Variants in ARHGEF18 observed in about 807,000 individuals in gnomAD.
The protein encoded by ARHGEF18 is rho guanine nucleotide exchange factor 18.
Under a neutral mutation model 155.7 loss-of-function variants are expected in ARHGEF18, and 93 were observed. The observed-to-expected ratio is 0.60, with a 90% CI of 0.50 to 0.71. The LOEUF (loss-of-function observed/expected upper bound fraction) is 0.71. ARHGEF18 is among the 30% of genes least tolerant of loss of function. The probability of loss-of-function intolerance (pLI) is 0.00; values close to 1 mark genes in which losing one functional copy is unlikely to be tolerated. For synonymous variants in ARHGEF18, 742 were observed against 753.1 expected, an observed-to-expected ratio of 0.99 and a Z score of 0.24; for missense variants, 1,593 against 1,816.1, an observed-to-expected ratio of 0.88 and a Z score of 2.23.
At chr19:7,387,794 C>T (rs1042222044) in intron 10 of ARHGEF18, among the ~76,000 whole-genome samples, 1 of 151,936 alleles carries the variant, frequency 6.6e-6, no homozygotes, top group African/African-American at 2.4e-5. Flanking sequence ...CTCAGCCTCC[C>T]GAGTGGCTGG....
At chr19:7,355,242 C>T (rs576160466) in intron 1 of ARHGEF18, among the ~76,000 whole-genome samples, 113 of 152,092 alleles carry the variant, frequency 7.4e-4, no homozygotes, top group African/African-American at 2.7e-3. Flanking sequence ...CTCTACACAA[C>T]ATGGAAATGC....
intron 20 of ARHGEF18, 39 bp downstream of exon 20, chr19:7,460,033 G>T: frequency 1.9e-6 from 3 of 1,544,012 alleles, no homozygotes; most frequent in South Asian, 2.4e-5. Flanking sequence ...CCCTTGTGTG[G>T]TGAGCCCTGG....
chr19:7,365,472 G>A (rs1358104697), intron 2 of ARHGEF18, among the ~76,000 whole-genome samples: 1 of 152,174 alleles, frequency 6.6e-6, no homozygotes, highest in Non-Finnish European at 1.5e-5. Flanking sequence ...GTCATGGAAG[G>A]TCCCGGGTAA....
chr19:7,412,615 G>T (rs540143348), intron 10 of ARHGEF18, among the ~76,000 whole-genome samples: 16 of 151,680 alleles, frequency 1.1e-4, no homozygotes, highest in African/African-American at 3.9e-4. Flanking sequence ...GGTGGCAGGC[G>T]CCTGTAATCC....
intron 6 of ARHGEF18, 92 bp downstream of exon 6, chr19:7,378,543 G>A: frequency 9.2e-7 from 1 of 1,082,786 alleles, no homozygotes; most frequent in Non-Finnish European, 1.2e-6. Flanking sequence ...GTGCAGTGTT[G>A]CTGGCCATAA....
intron 10 of ARHGEF18, among the ~76,000 whole-genome samples, chr19:7,399,927 C>T (rs941199910): frequency 7.9e-5 from 12 of 152,048 alleles, no homozygotes; most frequent in Admixed American, 3.9e-4. Flanking sequence ...TGCGTACCAC[C>T]GCGCCCAATT....
At chr19:7,468,774 G>A in intron 26 of ARHGEF18, 51 bp from the exon 27 acceptor site, 1 of 1,477,500 alleles carries the variant, frequency 6.8e-7, no homozygotes, top group Non-Finnish European at 9.1e-7. Flanking sequence ...GCTCTCCAGA[G>A]GCCGCACAGC....
chr19:7,358,506 A>G lies in ARHGEF18; in HGVS notation c.-110-4275A>G, dbSNP rs538458406. The stretch of plus-strand genomic sequence containing the variant: ...TGTCTATCCACTCATTCATCCATCC[A>G]TCCATCCTTCTACACATCCACCCAT... On this transcript the variant is annotated intron_variant, in intron 1 of 28. Coordinates refer to ENST00000668164, the MANE Select transcript of ARHGEF18 (RefSeq NM_001367823.1). Among the ~76,000 whole-genome samples, 4 of 151,586 alleles carry G rather than the reference A, an allele frequency of 2.6e-5. No homozygotes were observed. The South Asian group carries it at 8.4e-4, about 32-fold the overall frequency.
Position 7,462,267 on chromosome 19 carries a change from A to C in ARHGEF18, c.2568A>C (p.Leu856=). 1 of 1,613,640 alleles carries C rather than the reference A, an allele frequency of 6.2e-7. No homozygotes were observed. The highest frequency in any genetic ancestry group is 1.3e-5 in the African/African-American group (1 of 75,052). Residue 856 remains leucine, a synonymous_variant, in exon 21 of 29, where the codon CTA becomes CTC. Coordinates refer to ENST00000668164, the MANE Select transcript of ARHGEF18 (RefSeq NM_001367823.1). This position sits in a 1 kb window ranked among gnomAD's most constrained non-coding sequence, Gnocchi z 4.4. ...GLEDLPQPRG[L]FRGGDPSETL... The stretch of plus-strand genomic sequence containing the variant: ...AAGACCTGCCCCAGCCCCGAGGCCT[A>C]TTCCGTGGAGGGGACCCATCCGAGA...
intron 2 of ARHGEF18, among the ~76,000 whole-genome samples, chr19:7,365,281 G>C (rs560916236): frequency 6.6e-6 from 1 of 152,282 alleles, no homozygotes; most frequent in South Asian, 2.1e-4. Context: ...ACAAAAATTA[G>C]CTGCGCATGG....
At chr19:7,459,539 G>A (rs935537120) in intron 19 of ARHGEF18, among the ~76,000 whole-genome samples, 3 of 152,118 alleles carry the variant, frequency 2.0e-5, no homozygotes, top group African/African-American at 2.4e-5. Flanking sequence ...CTTGATTCCC[G>A]GAGGCTTCCT....
At chr19:7,354,856 C>T (rs999478283) in intron 1 of ARHGEF18, among the ~76,000 whole-genome samples, 7 of 151,876 alleles carry the variant, frequency 4.6e-5, no homozygotes, top group Non-Finnish European at 4.4e-5. Context: ...GCTGTGGTCA[C>T]GCCATTGCAC....
At chr19:7,424,495 T>C (rs1973541279) in intron 10 of ARHGEF18, among the ~76,000 whole-genome samples, 1 of 152,134 alleles carries the variant, frequency 6.6e-6, no homozygotes. Context: ...GCCTCGAATG[T>C]CTAACAGCAG....
intron 10 of ARHGEF18, among the ~76,000 whole-genome samples, chr19:7,436,091 T>G (rs944031479): frequency 2.6e-5 from 4 of 152,050 alleles, no homozygotes; most frequent in Non-Finnish European, 5.9e-5. Context: ...CCCCAACATG[T>G]GAAAACTTCA....
intron 1 of ARHGEF18, among the ~76,000 whole-genome samples, chr19:7,352,531 CTTT>C (rs35219215): frequency 7.5e-5 from 7 of 93,196 alleles, no homozygotes; most frequent in Admixed American, 4.8e-4. Context: ...CCTAGGTTTC[CTTT>C]TTTTTTTTTT....
intron 10 of ARHGEF18, among the ~76,000 whole-genome samples, chr19:7,414,209 A>G (rs1972861751): frequency 6.6e-6 from 1 of 151,426 alleles, no homozygotes; most frequent in African/African-American, 2.4e-5. Context: ...GCAACCAAAA[A>G]TGTCTCCAGA....
At chr19:7,441,557 C>T (rs367852782) in intron 11 of ARHGEF18, 96 bp from the exon 12 acceptor site, 30 of 866,446 alleles carry the variant, frequency 3.5e-5, no homozygotes, top group East Asian at 1.2e-4. Context: ...CAGAGAGTAT[C>T]GAATCGGATG....
chr19:7,467,407 A>C lies in ARHGEF18; in HGVS notation c.3203A>C (p.Gln1068Pro), dbSNP rs897707705. 2 of 1,532,686 alleles carry C rather than the reference A, an allele frequency of 1.3e-6. No homozygotes were observed. The highest frequency in any genetic ancestry group is 2.0e-5 in the Admixed American group (1 of 50,914). 94.9% of individuals were successfully genotyped at this position (1,532,686 alleles called of 1,614,324 possible). ...KLQSQLRHEQQRWERERQWQH... is the reference protein window; with the variant it reads ...KLQSQLRHEQPRWERERQWQH... The stretch of plus-strand genomic sequence containing the variant: ...CAGAGCCAGCTGCGGCACGAGCAGC[A>C]GCGCTGGGAGCGCGAGCGCCAGTGG... Residue 1068 changes from glutamine to proline, a missense_variant, in exon 26 of 29, where the codon CAG becomes CCG. Physicochemically the swap from Gln to Pro is moderately conservative, Grantham distance 76. Transcript: ENST00000668164.
At chr19:7,416,088 G>A (rs1243707011) in intron 10 of ARHGEF18, among the ~76,000 whole-genome samples, 1 of 152,114 alleles carries the variant, frequency 6.6e-6, no homozygotes, top group Non-Finnish European at 1.5e-5. Context: ...GCTTCTTGTT[G>A]GTGATGTTAA....
Sources: gnomAD v4.1 joint callset for allele counts (sites outside exome capture counted in the v4.1 genomes callset) on GRCh38, gnomAD v4.1.1 for gene constraint, Gnocchi (gnomAD v3.1) non-coding constraint, MANE v1.5 for transcripts, NCBI Gene and HGNC (gene_info 2026-07-23, HGNC 2026-07-21) for gene names.